Variants in NECAB2 observed in about 807,000 individuals in gnomAD.
The protein encoded by NECAB2 is N-terminal EF-hand calcium-binding protein 2.
NECAB2 carries 68 observed loss-of-function variants against 51.9 expected under a neutral mutation model. The observed-to-expected ratio is 1.31, with a 90% CI of 1.08 to 1.60. The LOEUF is 1.60. Among genes scored for constraint, NECAB2 ranks in the 40% most tolerant of loss-of-function variants. The probability of loss-of-function intolerance (pLI) is 0.00; values close to 1 mark genes in which losing one functional copy is unlikely to be tolerated. For synonymous variants in NECAB2, 329 were observed against 203.5 expected (o/e 1.62, Z -5.25); for missense variants, 854 against 490.3 (o/e 1.74, Z -7.00).
At position 83,981,100 on chromosome 16, in the gene NECAB2, C is replaced by A. The variant is rs772791116; in HGVS notation, c.432C>A (p.Val144=). ...LASLETLNHS[V]LKAMGYTKKV... ...CCCTGGAGACCTTGAATCACTCTGT[C>A]CTGAAGGCCATGGGTTATACCAAGA... is the stretch of plus-strand genomic sequence containing the variant. Residue 144 remains valine, a synonymous_variant, in exon 5 of 13, where the codon GTC becomes GTA. Coordinates refer to ENST00000305202, the MANE Select transcript of NECAB2 (RefSeq NM_019065.3). 6.2e-7 allele frequency: 1 copy of A among 1,614,032 alleles called. No homozygotes were observed. Among genetic ancestry groups the A allele is most frequent in the African/African-American group, 1.3e-5 (1 of 74,894 alleles).
At chr16:83,985,061 C>G (rs1436621290) in intron 5 of NECAB2, among the ~76,000 whole-genome samples, 1 of 152,026 alleles carries the variant, frequency 6.6e-6, no homozygotes, top group African/African-American at 2.4e-5. Context: ...GCCTGTTATC[C>G]CAGTACTTTG....
chr16:83,999,129 T>C (rs1325898970), intron 10 of NECAB2, among the ~76,000 whole-genome samples: 2 of 152,184 alleles, frequency 1.3e-5, no homozygotes, highest in East Asian at 3.9e-4. Flanking sequence ...AGGGGTCTTC[T>C]TGGGCCCCCT....
rs759148059 is a variant in NECAB2 at position 83,990,603 on chromosome 16, C to T, written c.569C>T (p.Ala190Val). ...AGCTCAGTGGAGAGTGCGGTGGAGG[C>T]CATCGAGGAACAGACCAGCCAGCTC... The part of the protein sequence containing the change: ...LLSSVESAVE[A>V]IEEQTSQLRQ... Residue 190 changes from alanine to valine, a missense_variant, in exon 6 of 13, where the codon GCC (alanine) becomes GTC (valine). By Grantham distance (64) the Ala-to-Val change is moderately conservative. Coordinates refer to ENST00000305202, the MANE Select transcript of NECAB2 (RefSeq NM_019065.3). The T allele has an allele frequency of 1.2e-6, 2 of 1,614,084 alleles. No homozygotes were observed. The highest frequency in any genetic ancestry group is 2.2e-5 in the South Asian group (2 of 91,088).
intron 5 of NECAB2, among the ~76,000 whole-genome samples, chr16:83,985,470 TA>T (rs1309401897): frequency 1.3e-5 from 2 of 150,812 alleles, no homozygotes; most frequent in Non-Finnish European, 3.0e-5. Context: ...CCGTCTCTAC[TA>T]AAAATACAAA....
intron 10 of NECAB2, among the ~76,000 whole-genome samples, chr16:83,999,745 C>G (rs2084784010): frequency 6.6e-6 from 1 of 152,120 alleles, no homozygotes; most frequent in African/African-American, 2.4e-5. Context: ...GCCCCTTCCT[C>G]TGTGGCCCAG....
chr16:83,991,978 G>C (rs1389694980), intron 6 of NECAB2, among the ~76,000 whole-genome samples: 1 of 152,158 alleles, frequency 6.6e-6, no homozygotes, highest in African/African-American at 2.4e-5. Context: ...TTAGAAAGCA[G>C]TTTAGGAAAT....
intron 6 of NECAB2, among the ~76,000 whole-genome samples, chr16:83,992,941 A>G (rs940142589): frequency 3.5e-5 from 5 of 144,724 alleles, no homozygotes; most frequent in Admixed American, 6.7e-5. Flanking sequence ...AACAGATAGT[A>G]TGGCTGCGCA....
At chr16:83,990,374 C>G in intron 5 of NECAB2, 120 bp from the exon 6 acceptor site, 1 of 1,345,122 alleles carries the variant, frequency 7.4e-7, no homozygotes, top group Non-Finnish European at 1.0e-6. Flanking sequence ...GTGGGGTCCT[C>G]CCTTCCCTTT....
chr16:83,978,953 A>G (rs2084451058), intron 3 of NECAB2, among the ~76,000 whole-genome samples: 2 of 152,124 alleles, frequency 1.3e-5, no homozygotes, highest in South Asian at 4.1e-4. Flanking sequence ...CGTCATCCTA[A>G]CACTGACTCC....
chr16:83,986,626 C>G (rs377689345), intron 5 of NECAB2, among the ~76,000 whole-genome samples: 1 of 151,986 alleles, frequency 6.6e-6, no homozygotes, highest in Non-Finnish European at 1.5e-5. Context: ...GATCTTCCCA[C>G]TTTAGCCTTC....
chr16:83,966,921 G>A (rs553809995), upstream of NECAB2, among the ~76,000 whole-genome samples: 8 of 152,144 alleles, frequency 5.3e-5, no homozygotes, highest in South Asian at 1.5e-3. Context: ...TTGTCACCCA[G>A]GCTGGAGTGC....
chr16:83,993,433 C>T (rs1025838871), intron 6 of NECAB2: 1 of 153,902 alleles, frequency 6.5e-6, no homozygotes, highest in East Asian at 1.9e-4. Context: ...TGCACCAAGA[C>T]CGCGATGCAC....
intron 8 of NECAB2, among the ~76,000 whole-genome samples, chr16:83,996,381 A>G (rs568868638): frequency 2.6e-5 from 4 of 152,092 alleles, no homozygotes; most frequent in African/African-American, 7.2e-5. Context: ...TGAGCGTGCA[A>G]GGTCCCTTGC....
chr16:83,969,922 C>T (rs1182806201), intron 1 of NECAB2, among the ~76,000 whole-genome samples: 1 of 152,176 alleles, frequency 6.6e-6, no homozygotes, highest in African/African-American at 2.4e-5. Flanking sequence ...AACCCTTGGC[C>T]GGGGTCTGGG....
intron 5 of NECAB2, among the ~76,000 whole-genome samples, chr16:83,985,263 A>G (rs1175420715): frequency 1.6e-5 from 2 of 128,072 alleles, no homozygotes; most frequent in Non-Finnish European, 3.2e-5. Flanking sequence ...CAGTGAGTAG[A>G]GACTGCGCCA....
chr16:84,002,410 T>TTTTTCTAGACAGACACTTTGGTGCAGAA lies in NECAB2; in HGVS notation c.*65_*92dup. On this transcript the variant is annotated 3_prime_UTR_variant, in exon 13 of 13. Transcript: ENST00000305202. Reference sequence around the variant, plus strand: ...TTCTTCTTGTGAAGGAAATCCCGTTTTTTTCTAGACAGACACTTTGGTGCA... The same window carrying TTTTTCTAGACAGACACTTTGGTGCAGAA: ...TTCTTCTTGTGAAGGAAATCCCGTTTTTTTCTAGACAGACACTTTGGTGCAGAATTTTCTAGACAGACACTTTGGTGCA... 2 of 1,562,078 alleles carry TTTTTCTAGACAGACACTTTGGTGCAGAA rather than the reference T, an allele frequency of 1.3e-6. No individual in the cohort carries two copies. Among genetic ancestry groups the TTTTTCTAGACAGACACTTTGGTGCAGAA allele is most frequent in the Admixed American group, 1.7e-5 (1 of 59,918 alleles).
chr16:83,973,103 G>A (rs192039038), intron 2 of NECAB2, among the ~76,000 whole-genome samples: 2 of 152,278 alleles, frequency 1.3e-5, no homozygotes, highest in South Asian at 2.1e-4. Context: ...GCGTGCTCCC[G>A]GTATGTTCAT....
rs1453728308 is a variant in NECAB2, at chr16:83,990,618, C to G, written c.584C>G (p.Thr195Ser). ...GCGGTGGAGGCCATCGAGGAACAGA[C>G]CAGCCAGCTCCGGTGAGTCTCTGAG... Reference protein sequence around the residue: ...ESAVEAIEEQTSQLRQNHIKP... With the variant: ...ESAVEAIEEQSSQLRQNHIKP... Residue 195 changes from threonine to serine, a missense_variant, in exon 6 of 13, where the codon ACC (threonine) becomes AGC (serine). Physicochemically the swap from Thr to Ser is moderately conservative, Grantham distance 58. Transcript: ENST00000305202. 12 of 1,613,904 alleles carry G rather than the reference C, an allele frequency of 7.4e-6. No individual in the cohort carries two copies. Among genetic ancestry groups the G allele is most frequent in the East Asian group, 4.5e-5 (2 of 44,858 alleles).
At chr16:83,999,900 AGAC>A (rs1305220176) in intron 10 of NECAB2, among the ~76,000 whole-genome samples, 1 of 137,382 alleles carries the variant, frequency 7.3e-6, no homozygotes, top group African/African-American at 3.6e-5. Flanking sequence ...AGGTTTTTTG[AGAC>A]CAAATCTTGC....
Sources: allele counts gnomAD v4.1 joint callset (sites outside exome capture counted in the v4.1 genomes callset), GRCh38; gene constraint gnomAD v4.1.1; transcripts MANE v1.5; gene names NCBI Gene and HGNC (gene_info 2026-07-23, HGNC 2026-07-21).